GREB1L: variants seen among roughly 807,000 people sequenced by gnomAD.
The protein encoded by GREB1L is GREB1-like protein.
A neutral mutation model predicts 200.8 loss-of-function variants in GREB1L; 17 were observed. The observed-to-expected ratio is 0.08, with a 90% CI of 0.06 to 0.13. The LOEUF (loss-of-function observed/expected upper bound fraction) is 0.13. Ranked by LOEUF, GREB1L falls within the 10% of genes least tolerant of loss-of-function variation. GREB1L has a pLI of 1.00. For synonymous variants in GREB1L, 789 were observed against 893.0 expected, an observed-to-expected ratio of 0.88 and a Z score of 2.08; for missense variants, 1,657 against 2,367.7, an observed-to-expected ratio of 0.70 and a Z score of 6.23.
chr18:21,380,965 G>A (rs182555661), intron 2 of GREB1L, among the ~76,000 whole-genome samples: 6 of 151,220 alleles, frequency 4.0e-5, no homozygotes, highest in Non-Finnish European at 7.4e-5. Context: ...CAGGCACGCC[G>A]GGCGCGGTGG....
chr18:21,320,698 G>A (rs1286738730), intron 1 of GREB1L, among the ~76,000 whole-genome samples: 5 of 151,882 alleles, frequency 3.3e-5, no homozygotes, highest in Admixed American at 1.3e-4. Flanking sequence ...CCCGGGAGGC[G>A]GAGCTTGCAG....
At chr18:21,359,193 C>T (rs1280625429) in intron 1 of GREB1L, among the ~76,000 whole-genome samples, 2 of 152,218 alleles carry the variant, frequency 1.3e-5, no homozygotes, top group African/African-American at 2.4e-5. Flanking sequence ...CAATGGCTCA[C>T]GCCTGTAATC....
chr18:21,309,586 C>T (rs2038758949), intron 1 of GREB1L, among the ~76,000 whole-genome samples: 1 of 152,160 alleles, frequency 6.6e-6, no homozygotes, highest in South Asian at 2.1e-4. Flanking sequence ...ACTACTGCAC[C>T]TTACGAAATG....
At chr18:21,395,306 C>A in intron 4 of GREB1L, 79 bp from the exon 5 acceptor site, 3 of 1,120,474 alleles carry the variant, frequency 2.7e-6, no homozygotes, top group Non-Finnish European at 2.6e-6. Flanking sequence ...AAAAATAAAT[C>A]TACTCTCCAA....
intron 1 of GREB1L, among the ~76,000 whole-genome samples, chr18:21,298,339 T>C (rs1412752690): frequency 6.6e-6 from 1 of 152,214 alleles, no homozygotes; most frequent in Non-Finnish European, 1.5e-5. Context: ...GTTCAACAAG[T>C]ATTTTTTTAG....
chr18:21,404,048 C>A, intron 7 of GREB1L, 54 bp downstream of exon 7: 3 of 1,466,168 alleles, frequency 2.0e-6, no homozygotes, highest in South Asian at 2.5e-5. Context: ...TTTAATGAGA[C>A]TTTTTAAAAT....
intron 1 of GREB1L, among the ~76,000 whole-genome samples, chr18:21,329,153 C>T (rs1465440016): frequency 6.6e-6 from 1 of 151,952 alleles, no homozygotes; most frequent in Non-Finnish European, 1.5e-5. Flanking sequence ...GTGCCACCCC[C>T]ATCTCTACTG....
chr18:21,439,415 T>G, intron 7 of GREB1L, 106 bp from the exon 8 acceptor site: 1 of 663,456 alleles, frequency 1.5e-6, no homozygotes, highest in South Asian at 1.9e-5. Flanking sequence ...TCCGTGAGGT[T>G]TCTTGGAATC....
At chr18:21,439,708 T>C (rs959777464) in intron 8 of GREB1L, 71 bp downstream of exon 8, 2 of 963,936 alleles carry the variant, frequency 2.1e-6, no homozygotes, top group Non-Finnish European at 3.3e-6. Context: ...GATTTTGTAA[T>C]GAATTATCTG....
In GREB1L at chr18:21,477,175, G is replaced by A. The variant is rs1598900797; in HGVS notation, c.2375G>A (p.Gly792Asp). ...CAATTTTTCTACAGTGTCATTTCAGGCTCTTTGTCACATAGCGAACCCAGT... is the reference window on the plus strand; with the variant it reads ...CAATTTTTCTACAGTGTCATTTCAGACTCTTTGTCACATAGCGAACCCAGT... Reference protein sequence around the residue: ...SHVELTSVISGSLSHSEPSHG... With the variant: ...SHVELTSVISDSLSHSEPSHG... The change falls in exon 17 of 33, where the codon GGC becomes GAC. Residue 792 changes from glycine (G) to aspartate (D), a missense_variant. By Grantham distance (94) the Gly-to-Asp change is moderately conservative (BLOSUM62 -1). Transcript: ENST00000424526. 1.3e-6 allele frequency: 2 copies of A among 1,550,190 alleles called. No individual in the cohort carries two copies. The highest frequency in any genetic ancestry group is 4.9e-5 in the East Asian group (2 of 40,892).
chr18:21,355,425 C>T (rs1037218591), intron 1 of GREB1L, among the ~76,000 whole-genome samples: 1 of 152,102 alleles, frequency 6.6e-6, no homozygotes, highest in Non-Finnish European at 1.5e-5. Flanking sequence ...AACTCCTGAC[C>T]TCGTGATCCA....
intron 11 of GREB1L, 74 bp downstream of exon 11, chr18:21,444,483 C>T (rs1295449846): frequency 8.3e-7 from 1 of 1,198,912 alleles, no homozygotes; most frequent in Non-Finnish European, 1.2e-6. Flanking sequence ...TTCTTTCTTT[C>T]TCACATTTAT....
intron 1 of GREB1L, among the ~76,000 whole-genome samples, chr18:21,339,201 ATTATC>A: frequency 6.6e-6 from 1 of 152,114 alleles, no homozygotes; most frequent in African/African-American, 2.4e-5. Flanking sequence ...AAAAAAAAAA[ATTATC>A]TTATTAGAAA....
rs1013737662 is a variant in GREB1L at position 21,293,602 on chromosome 18, G to A, written c.-120+51209G>A. ...ATATTGTGTATATTTTCTCTTATGG[G>A]TTTAGATACTAATAATTAATCCCTT... is the stretch of plus-strand genomic sequence containing the variant. On this transcript the variant is annotated intron_variant, in intron 1 of 32. Transcript: ENST00000424526. Among the ~76,000 whole-genome samples the A allele has an allele frequency of 2.6e-5, 4 of 152,178 alleles. No individual in the cohort carries two copies. The East Asian group carries it at 5.8e-4, about 22-fold the overall frequency.
chr18:21,499,162 A>C (rs1239010055), intron 21 of GREB1L, among the ~76,000 whole-genome samples: 1 of 152,198 alleles, frequency 6.6e-6, no homozygotes, highest in African/African-American at 2.4e-5. Flanking sequence ...AGCCAGAGGC[A>C]TGAGGCCCTC....
intron 1 of GREB1L, among the ~76,000 whole-genome samples, chr18:21,262,594 A>G (rs1279977535): frequency 2.6e-5 from 4 of 152,188 alleles, no homozygotes; most frequent in African/African-American, 9.7e-5. Context: ...TAAGACAGAT[A>G]TTTTGTAACA....
chr18:21,435,367 A>G (rs1331742805), intron 7 of GREB1L, among the ~76,000 whole-genome samples: 1 of 152,204 alleles, frequency 6.6e-6, no homozygotes, highest in Non-Finnish European at 1.5e-5. Flanking sequence ...TGGGAATACA[A>G]AGATAAGGTT....
chr18:21,304,106 A>G (rs1385868455), intron 1 of GREB1L, among the ~76,000 whole-genome samples: 1 of 152,192 alleles, frequency 6.6e-6, no homozygotes, highest in Non-Finnish European at 1.5e-5. Context: ...GCCTCTTCTT[A>G]GATATCATCT....
rs114873629 is a variant in GREB1L at position 21,349,949 on chromosome 18, A to C, written c.-119-16078A>C. ...ACGAAACCAGTGCCTGGTGCCAAAA[A>C]GGTTGGGGACTGCTGCTTTAAAACC... On this transcript the variant is annotated intron_variant, in intron 1 of 32. Coordinates refer to ENST00000424526, the MANE Select transcript of GREB1L (RefSeq NM_001142966.3). 7.3e-3 allele frequency among the ~76,000 whole-genome samples: 1,118 copies of C among 152,270 alleles called. 16 individuals are homozygous for C. Among genetic ancestry groups the C allele is most frequent in the African/African-American group, 0.025 (1,055 of 41,560 alleles).
Sources: gnomAD v4.1 joint callset for allele counts (sites outside exome capture counted in the v4.1 genomes callset) on GRCh38, gnomAD v4.1.1 for gene constraint, MANE v1.5 for transcripts, NCBI Gene and HGNC (gene_info 2026-07-23, HGNC 2026-07-21) for gene names.